DLGAP2: variants seen among roughly 807,000 people sequenced by gnomAD.
The protein encoded by DLGAP2 is disks large-associated protein 2.
Under a neutral mutation model 100.3 loss-of-function variants are expected in DLGAP2, and 26 were observed. The ratio of observed to expected loss-of-function variants is 0.26; its 90% CI spans 0.19 to 0.36. The LOEUF (loss-of-function observed/expected upper bound fraction) is 0.36. Ranked by LOEUF, DLGAP2 falls within the 10% of genes least tolerant of loss-of-function variation. The pLI is 1.00. For missense variants in DLGAP2, 1,858 were observed against 1,453.2 expected (o/e 1.28, Z -4.53); for synonymous variants, 886 against 630.1 (o/e 1.41, Z -6.08).
chr8:829,258 C>T (rs1163289040), intron 1 of DLGAP2, among the ~76,000 whole-genome samples: 1 of 152,132 alleles, frequency 6.6e-6, no homozygotes, highest in African/African-American at 2.4e-5. Flanking sequence ...TCAATATTTG[C>T]CTGGCTGTTG....
intron 2 of DLGAP2, among the ~76,000 whole-genome samples, chr8:1,212,565 GAC>G (rs1377076521): frequency 1.3e-5 from 2 of 152,178 alleles, no homozygotes; most frequent in African/African-American, 4.8e-5. Flanking sequence ...TGGAGAGAGA[GAC>G]GTATTAACAA....
intron 2 of DLGAP2, among the ~76,000 whole-genome samples, chr8:1,134,067 G>A (rs781203794): frequency 6.6e-6 from 1 of 150,686 alleles, no homozygotes; most frequent in Non-Finnish European, 1.5e-5. Flanking sequence ...TCATCATTTA[G>A]CTCCCACTTA....
chr8:799,348 G>A (rs1286864660), intron 1 of DLGAP2, among the ~76,000 whole-genome samples: 1 of 152,102 alleles, frequency 6.6e-6, no homozygotes, highest in Non-Finnish European at 1.5e-5. Flanking sequence ...AGGGAGTGTG[G>A]CGGGAGGGGG....
chr8:1,099,170 G>C (rs1804497897), intron 2 of DLGAP2, among the ~76,000 whole-genome samples: 1 of 152,158 alleles, frequency 6.6e-6, no homozygotes, highest in South Asian at 2.1e-4. Flanking sequence ...GTGCCCACGT[G>C]CCTGGTGGTT....
intron 1 of DLGAP2, among the ~76,000 whole-genome samples, chr8:900,534 G>A (rs1381651524): frequency 6.6e-6 from 1 of 152,230 alleles, no homozygotes; most frequent in Non-Finnish European, 1.5e-5. Context: ...CAAATATGCA[G>A]TGTGTGGGGA....
intron 3 of DLGAP2, among the ~76,000 whole-genome samples, chr8:1,315,830 C>G: frequency 1.1e-5 from 1 of 93,260 alleles, no homozygotes. Context: ...AGAAACTCGG[C>G]AGCGTTTAAA....
intron 2 of DLGAP2, among the ~76,000 whole-genome samples, chr8:1,201,473 C>G (rs894545314): frequency 2.6e-5 from 4 of 152,178 alleles, no homozygotes; most frequent in African/African-American, 7.2e-5. Flanking sequence ...TTCTCCAGAG[C>G]CTCCAGAAGG....
At chr8:1,411,092 G>A (rs75796962) in intron 3 of DLGAP2, among the ~76,000 whole-genome samples, 11,263 of 152,148 alleles carry the variant, frequency 0.074, 678 homozygotes, top group East Asian at 0.25. Flanking sequence ...TACGCCAGTT[G>A]TTCCTTTCAG....
At chr8:1,419,236 GTT>G (rs1289822188) in intron 3 of DLGAP2, among the ~76,000 whole-genome samples, 1 of 134,946 alleles carries the variant, frequency 7.4e-6, no homozygotes, top group African/African-American at 2.9e-5. Context: ...GTGTGTGTAG[GTT>G]TTGTTTTCCT....
rs1424793741 is a variant in DLGAP2 at position 1,255,160 on chromosome 8, GGGTGCTGTGTGTGTGCCCTCTC to G, written c.74-3690_74-3669del. Among the ~76,000 whole-genome samples, 362 of 107,398 alleles carry G rather than the reference GGGTGCTGTGTGTGTGCCCTCTC, an allele frequency of 3.4e-3. 36 individuals are homozygous for G. The highest frequency in any genetic ancestry group is 9.5e-3 in the African/African-American group (233 of 24,564). The allele number at this position is 107,398 out of a possible 152,430, so 70.5% of individuals were successfully genotyped here. On this transcript the variant is annotated intron_variant, in intron 2 of 14. Transcript: ENST00000637795. The stretch of plus-strand genomic sequence containing the variant: ...GCTGAGTGTGTGTCCTCTCCTGCCC[GGGTGCTGTGTGTGTGCCCTCTC>G]ATCCTGCCTGGGTGCTGTGTGTGTG...
At chr8:1,623,627 G>C (rs1797413245) in intron 6 of DLGAP2, among the ~76,000 whole-genome samples, 2 of 151,394 alleles carry the variant, frequency 1.3e-5, no homozygotes, top group South Asian at 4.2e-4. Context: ...CGTGGCCCCA[G>C]TGTGCCATGA....
rs367875152 is a variant in DLGAP2, at chr8:1,141,324, C to A, written c.74-117527C>A. On this transcript the variant is annotated intron_variant, in intron 2 of 14. Coordinates refer to ENST00000637795, the MANE Select transcript of DLGAP2 (RefSeq NM_001346810.2). ...TAAATTCTGTAACTGGATTCCCCAA[C>A]AAAATTGAATTTGGGCTAAAGAAAC... 2.1e-3 allele frequency among the ~76,000 whole-genome samples: 321 copies of A among 152,248 alleles called. 1 individual carries two copies. The highest frequency in any genetic ancestry group is 6.2e-3 in the African/African-American group (257 of 41,542).
intron 2 of DLGAP2, among the ~76,000 whole-genome samples, chr8:1,216,294 A>G (rs1047331566): frequency 1.3e-4 from 20 of 152,118 alleles, no homozygotes; most frequent in Non-Finnish European, 2.1e-4. Flanking sequence ...AACTTCATAC[A>G]GGGGCTCTGA....
At chr8:1,466,532 TG>T (rs1798631780) in intron 3 of DLGAP2, among the ~76,000 whole-genome samples, 1 of 149,192 alleles carries the variant, frequency 6.7e-6, no homozygotes, top group South Asian at 2.2e-4. Context: ...TTTGTGTGTG[TG>T]TGTGTGTGTG....
chr8:891,783 C>T (rs752260544), intron 1 of DLGAP2, among the ~76,000 whole-genome samples: 46 of 152,136 alleles, frequency 3.0e-4, no homozygotes, highest in South Asian at 2.1e-4. Flanking sequence ...CAGCCCAGGA[C>T]GGGGAGGGCC....
rs1163735040 is a variant in DLGAP2 at position 1,288,678 on chromosome 8, A to AGTGT, written c.106+29813_106+29816dup. ...TTAGGAGGGGAACTTGTTTCGGTTC[A>AGTGT]GTGTGTGTGTGTGTGTGTGTGGTTC... On this transcript the variant is annotated intron_variant, in intron 3 of 14. Coordinates refer to ENST00000637795, the MANE Select transcript of DLGAP2 (RefSeq NM_001346810.2). Among the ~76,000 whole-genome samples, 1,184 of 118,470 alleles carry AGTGT rather than the reference A, an allele frequency of 1.0e-2. 22 individuals are homozygous for AGTGT. The highest frequency in any genetic ancestry group is 0.036 in the African/African-American group (1,073 of 30,052). The allele number at this position is 118,470 out of a possible 152,430, so 77.7% of individuals were successfully genotyped here.
At chr8:1,509,164 C>T (rs1037295763) in intron 4 of DLGAP2, among the ~76,000 whole-genome samples, 1 of 152,000 alleles carries the variant, frequency 6.6e-6, no homozygotes, top group African/African-American at 2.4e-5. Flanking sequence ...AACCCCGTCT[C>T]TACTAAAATA....
intron 4 of DLGAP2, among the ~76,000 whole-genome samples, chr8:1,532,162 G>A (rs746972945): frequency 2.6e-5 from 4 of 152,144 alleles, no homozygotes; most frequent in Non-Finnish European, 5.9e-5. Context: ...AGGCAGGTTT[G>A]CCCTGAGCAG....
intron 1 of DLGAP2, among the ~76,000 whole-genome samples, chr8:815,744 T>C (rs1796464198): frequency 6.6e-6 from 1 of 152,176 alleles, no homozygotes; most frequent in South Asian, 2.1e-4. Flanking sequence ...AATAAAGACA[T>C]TTTCAGACTT....
Sources: allele counts gnomAD v4.1 joint callset (sites outside exome capture counted in the v4.1 genomes callset), GRCh38; gene constraint gnomAD v4.1.1; transcripts MANE v1.5; gene names NCBI Gene and HGNC (gene_info 2026-07-23, HGNC 2026-07-21).